TAS2R1: variants seen among roughly 807,000 people sequenced by gnomAD.
TAS2R1 encodes the protein taste 2 receptor member 1, also known as taste receptor type 2 member 1.
For missense variants in TAS2R1, 370 were observed against 353.4 expected (o/e 1.05, Z -0.38); for synonymous variants, 141 against 134.2 (o/e 1.05, Z -0.35).
chr5:9,642,334 T>C, intron 2 of TAS2R1, among the ~76,000 whole-genome samples: 1 of 152,214 alleles, frequency 6.6e-6, no homozygotes, highest in East Asian at 1.9e-4. Flanking sequence ...AACATGTGCA[T>C]GTATTAACAT....
chr5:9,858,121 G>A, the TAS2R1 span, among the ~76,000 whole-genome samples: 1 of 152,118 alleles, frequency 6.6e-6, no homozygotes, highest in Non-Finnish European at 1.5e-5. Context: ...GGGCTGACCT[G>A]GCCCTAGGGT....
chr5:9,797,278 C>A, the TAS2R1 span, among the ~76,000 whole-genome samples: 2 of 152,172 alleles, frequency 1.3e-5, no homozygotes. Context: ...GCCAGGGGTA[C>A]TGCTGACGTA....
At chr5:9,638,288 G>A (rs1740002126) in intron 2 of TAS2R1, among the ~76,000 whole-genome samples, 1 of 152,232 alleles carries the variant, frequency 6.6e-6, no homozygotes, top group East Asian at 1.9e-4. Flanking sequence ...CTGTCTTCAG[G>A]TCTCCCAGAC....
intron 1 of TAS2R1, among the ~76,000 whole-genome samples, chr5:9,672,248 A>T (rs418371): frequency 0.03 from 4,588 of 152,126 alleles, 86 homozygotes; most frequent in African/African-American, 0.053. Flanking sequence ...TTTCATGATG[A>T]AGATGCCAAA....
the TAS2R1 span, among the ~76,000 whole-genome samples, chr5:9,724,539 A>G: frequency 6.6e-6 from 1 of 152,162 alleles, no homozygotes; most frequent in African/African-American, 2.4e-5. Flanking sequence ...TGTAGTCTTT[A>G]TGTTGTCCTT....
chr5:9,767,923 C>CAAAAAAAAAAAAAAAA, the TAS2R1 span, among the ~76,000 whole-genome samples: 2 of 96,332 alleles, frequency 2.1e-5, 1 homozygote, highest in Non-Finnish European at 4.0e-5. Flanking sequence ...GACTCCGTCT[C>CAAAAAAAAAAAAAAAA]AAAAAAAAAA....
the TAS2R1 span, among the ~76,000 whole-genome samples, chr5:9,832,093 CTTAGGTTCT>C: frequency 1.3e-5 from 2 of 152,170 alleles, no homozygotes; most frequent in Non-Finnish European, 2.9e-5. Context: ...TCATCTCCGG[CTTAGGTTCT>C]TTGTGTCTTT....
the TAS2R1 span, among the ~76,000 whole-genome samples, chr5:9,787,399 G>A: frequency 6.6e-6 from 1 of 151,814 alleles, no homozygotes; most frequent in East Asian, 1.9e-4. Context: ...TTTTTTCTTT[G>A]TACTTATTAT....
the TAS2R1 span, among the ~76,000 whole-genome samples, chr5:9,815,928 T>TA: frequency 6.6e-6 from 1 of 152,154 alleles, no homozygotes; most frequent in Non-Finnish European, 1.5e-5. Context: ...TCCTGAAACT[T>TA]ACACTTCATA....
intron 1 of TAS2R1, among the ~76,000 whole-genome samples, chr5:9,698,863 C>T (rs1741417429): frequency 1.3e-5 from 2 of 152,114 alleles, no homozygotes; most frequent in Admixed American, 1.3e-4. Context: ...TAATTTTGTC[C>T]ATGCTGTTTC....
chr5:9,678,919 G>A (rs1227801763), intron 1 of TAS2R1, among the ~76,000 whole-genome samples: 2 of 152,132 alleles, frequency 1.3e-5, no homozygotes, highest in Non-Finnish European at 2.9e-5. Context: ...TCCTGCACAT[G>A]TACCCTGGAA....
At chr5:9,880,955 G>A in the TAS2R1 span, among the ~76,000 whole-genome samples, 17 of 152,118 alleles carry the variant, frequency 1.1e-4, no homozygotes, top group Non-Finnish European at 7.3e-5. Flanking sequence ...GGGGTTTAGG[G>A]ACAGAACTCT....
At chr5:9,802,464 G>C in the TAS2R1 span, among the ~76,000 whole-genome samples, 27 of 152,104 alleles carry the variant, frequency 1.8e-4, no homozygotes, top group South Asian at 2.1e-4. Context: ...CTGACATAAT[G>C]TACCCAAAGG....
chr5:9,661,870 A>G (rs1740537496), intron 1 of TAS2R1, among the ~76,000 whole-genome samples: 1 of 152,200 alleles, frequency 6.6e-6, no homozygotes, highest in African/African-American at 2.4e-5. Context: ...CTCTGCCTCA[A>G]ACAAACCACC....
chr5:9,896,421 T>C, the TAS2R1 span, among the ~76,000 whole-genome samples: 111 of 152,174 alleles, frequency 7.3e-4, 2 homozygotes, highest in Admixed American at 7.1e-3. Context: ...AAGAACCTAA[T>C]TGGTTTAGGT....
At chr5:9,863,995 T>C in the TAS2R1 span, among the ~76,000 whole-genome samples, 14 of 152,204 alleles carry the variant, frequency 9.2e-5, no homozygotes, top group African/African-American at 3.1e-4. Flanking sequence ...AAATATGACC[T>C]AGAGCTTAGA....
chr5:9,650,034 A>G (rs1463643165), intron 2 of TAS2R1, among the ~76,000 whole-genome samples: 1 of 152,168 alleles, frequency 6.6e-6, no homozygotes, highest in African/African-American at 2.4e-5. Context: ...ATAGTCTGGA[A>G]TTGGCCCTGG....
At chr5:9,789,597 C>A in the TAS2R1 span, among the ~76,000 whole-genome samples, 1 of 152,192 alleles carries the variant, frequency 6.6e-6, no homozygotes. Context: ...ATAGCAGGAT[C>A]CCTCCATGAC....
At chr5:9,675,013 AG>A (rs1740845101) in intron 1 of TAS2R1, among the ~76,000 whole-genome samples, 1 of 151,726 alleles carries the variant, frequency 6.6e-6, no homozygotes, top group Non-Finnish European at 1.5e-5. Context: ...TGAGGATACA[AG>A]GTTAATTTAC....
Sources: gnomAD v4.1 joint callset for allele counts (sites outside exome capture counted in the v4.1 genomes callset) on GRCh38, gnomAD v4.1.1 for gene constraint, MANE v1.5 for transcripts, NCBI Gene and HGNC (gene_info 2026-07-23, HGNC 2026-07-21) for gene names.